Variants in FBN3 observed in about 807,000 individuals in gnomAD.
FBN3 encodes fibrillin 3.
FBN3 carries 234 observed loss-of-function variants against 330.1 expected under a neutral mutation model. The ratio of observed to expected loss-of-function variants is 0.71; its 90% CI spans 0.64 to 0.79. The LOEUF (loss-of-function observed/expected upper bound fraction) is 0.79. Among genes scored for constraint, FBN3 ranks in the 30% least tolerant of loss-of-function variants. FBN3 has a pLI of 0.00. For missense variants in FBN3, 3,606 were observed against 3,886.9 expected, an observed-to-expected ratio of 0.93 and a Z score of 1.92; for synonymous variants, 1,458 against 1,517.3, an observed-to-expected ratio of 0.96 and a Z score of 0.91.
In FBN3 at chr19:8,147,497, G is replaced by C; in HGVS notation, c.-17C>G. ...CAGAGTCATGGCGTGTCCCCTGGAG[G>C]CTGCGGAGAGGAAGCAGAGTCAGCC... On this transcript the variant is annotated splice_region_variant and 5_prime_UTR_variant, in exon 2 of 64. Transcript: ENST00000600128. 2 of 1,447,174 alleles carry C rather than the reference G, an allele frequency of 1.4e-6. No homozygotes were observed. The highest frequency in any genetic ancestry group is 1.8e-6 in the Non-Finnish European group (2 of 1,097,996). 89.6% of individuals were successfully genotyped at this position (1,447,174 alleles called of 1,614,324 possible). A position where few individuals can be genotyped will look rare whatever the true frequency, so the allele number is the denominator to read the frequency against.
chr19:8,132,761 G>A (rs368878648), intron 14 of FBN3, among the ~76,000 whole-genome samples: 102 of 152,266 alleles, frequency 6.7e-4, no homozygotes, highest in African/African-American at 1.9e-3. Flanking sequence ...CAAGGTGCTG[G>A]GACTACAGGC....
At position 8,136,318 on chromosome 19, in the gene FBN3, A is replaced by C; in HGVS notation, c.1346-9T>G. On this transcript the variant is annotated splice_polypyrimidine_tract_variant and intron_variant, in intron 11 of 63. Coordinates refer to ENST00000600128, the MANE Select transcript of FBN3 (RefSeq NM_032447.5). ...GGTGCATTCGTCTACATCTGAGGGG[A>C]GAGGACCCTGAGCCCTAGCACGAGC... 6.2e-7 allele frequency: 1 copy of C among 1,602,042 alleles called. No homozygotes were observed. Among genetic ancestry groups the C allele is most frequent in the Non-Finnish European group, 8.5e-7 (1 of 1,173,978 alleles).
At position 8,149,252 on chromosome 19, in the gene FBN3, C is replaced by T. The variant is rs2083620762; in HGVS notation, c.-18+197G>A. Reference sequence around the variant, plus strand: ...CGCGCCCCGGCCGAGCCCCTCCCGCCGGGTCCCCGCGCCCCCACTCCCCAC... The same window carrying T: ...CGCGCCCCGGCCGAGCCCCTCCCGCTGGGTCCCCGCGCCCCCACTCCCCAC... On this transcript the variant is annotated intron_variant, in intron 1 of 63. Coordinates refer to ENST00000600128, the MANE Select transcript of FBN3 (RefSeq NM_032447.5). This position sits in a 1 kb window ranked among gnomAD's most constrained non-coding sequence, Gnocchi z 5.5. Among the ~76,000 whole-genome samples, 2 of 151,634 alleles carry T rather than the reference C, an allele frequency of 1.3e-5. No homozygotes were observed. The highest frequency in any genetic ancestry group is 1.5e-5 in the Non-Finnish European group (1 of 67,800).
At chr19:8,146,312 C>T in intron 3 of FBN3, 87 bp from the exon 4 acceptor site, 1 of 1,083,000 alleles carries the variant, frequency 9.2e-7, no homozygotes, top group Non-Finnish European at 1.4e-6. Flanking sequence ...GCCGGAACAC[C>T]TCAGTGGACG....
chr19:8,126,009 C>A lies in FBN3; in HGVS notation c.2614G>T (p.Glu872Ter). 1 of 1,613,884 alleles carries A rather than the reference C, an allele frequency of 6.2e-7. No homozygotes were observed. ...CAGACTCCCGGGAAGGACTCACACT[C>A]GTTCACATCTGGGTAAGGAGGAGGG... ...MTGVTCDDVN[E>*]CESFPGVCPN... The change falls in exon 22 of 64, where the codon GAG becomes TAG. Residue 872 changes from glutamate (E) to a stop codon, truncating the protein, a stop_gained. Transcript: ENST00000600128. LOFTEE classifies it high-confidence loss of function.
At position 8,065,909 on chromosome 19, in the gene FBN3, C is replaced by T. The variant is rs1241117177; in HGVS notation, c.*10G>A. 2 of 1,552,544 alleles carry T rather than the reference C, an allele frequency of 1.3e-6. No individual in the cohort carries two copies. The highest frequency in any genetic ancestry group is 2.7e-5 in the African/African-American group (2 of 73,272). On this transcript the variant is annotated 3_prime_UTR_variant, in exon 64 of 64. Transcript: ENST00000600128. ...TCTGGACAGCTGGGGCCCACTGAGGCTCCTCCCAACTAAAGCAACTGCAGC... is the reference window on the plus strand; with the variant it reads ...TCTGGACAGCTGGGGCCCACTGAGGTTCCTCCCAACTAAAGCAACTGCAGC...
chr19:8,089,396 A>T (rs900966010), intron 51 of FBN3, 149 bp downstream of exon 51: 1 of 784,150 alleles, frequency 1.3e-6, no homozygotes, highest in African/African-American at 1.7e-5. Flanking sequence ...TGAATGAAGC[A>T]CAGAGGGAGA....
At position 8,138,560 on chromosome 19, in the gene FBN3, G is replaced by T. The variant is rs1193890288; in HGVS notation, c.870C>A (p.Tyr290Ter). 1.9e-6 allele frequency: 3 copies of T among 1,606,120 alleles called. No individual in the cohort carries two copies. The highest frequency in any genetic ancestry group is 4.5e-5 in the East Asian group (2 of 44,752). The change falls in exon 9 of 64, where the codon TAC becomes TAA. Residue 290 changes from tyrosine to a stop codon, truncating the protein, a stop_gained. Transcript: ENST00000600128. LOFTEE classifies it high-confidence loss of function. Reference sequence around the variant, plus strand: ...GCACTGAGAAGCAGGCGCCGGCCCGGTAGTCTGCAAAAGATCAGAGGGTGA... The same window carrying T: ...GCACTGAGAAGCAGGCGCCGGCCCGTTAGTCTGCAAAAGATCAGAGGGTGA... ...LSDSSAACED[Y>*]RAGACFSVLF...
Position 8,111,627 on chromosome 19 carries a change from CTCCCA to C in FBN3, c.4084+16_4084+20del. 2.0e-6 allele frequency: 3 copies of C among 1,532,196 alleles called. No individual in the cohort carries two copies. The highest frequency in any genetic ancestry group is 2.4e-5 in the East Asian group (1 of 41,804). 94.9% of individuals were successfully genotyped at this position (1,532,196 alleles called of 1,614,324 possible). On this transcript the variant is annotated intron_variant, in intron 32 of 63. Coordinates refer to ENST00000600128, the MANE Select transcript of FBN3 (RefSeq NM_032447.5). ...TGGCTGTCCCTCTAGGGCCCCTGCC[CTCCCA>C]CCCCTCTAATCTCACCTTCGCAGAA...
chr19:8,065,631 C>T lies in FBN3; in HGVS notation c.*288G>A. The T allele has an allele frequency of 2.3e-6, 1 of 442,134 alleles. No homozygotes were observed. The highest frequency in any genetic ancestry group is 4.0e-5 in the Admixed American group (1 of 25,042). The allele number at this position is 442,134 out of a possible 1,614,324, so 27.4% of individuals were successfully genotyped here. On this transcript the variant is annotated 3_prime_UTR_variant, in exon 64 of 64. Transcript: ENST00000600128. ...ACAGAAGTGAAAGCCTGAGATTGGCCAGACACGGTGACCACAGGGCCTCTT... is the reference window on the plus strand; with the variant it reads ...ACAGAAGTGAAAGCCTGAGATTGGCTAGACACGGTGACCACAGGGCCTCTT...
chr19:8,119,008 C>T lies in FBN3; in HGVS notation c.3226G>A (p.Ala1076Thr), dbSNP rs1180888250. The T allele has an allele frequency of 4.4e-6, 7 of 1,602,954 alleles. No homozygotes were observed. In the South Asian group the frequency reaches 5.5e-5, roughly 13 times the overall value. The change falls in exon 26 of 64, where the codon GCA becomes ACA. Residue 1076 changes from alanine (A) to threonine (T), a missense_variant. Coordinates refer to ENST00000600128, the MANE Select transcript of FBN3 (RefSeq NM_032447.5). ...CCCCGGCAGAGCAGCGGGTCCCTTG[C>T]ACACTCGTCCACGTCTGAAGGTTTG... is the stretch of plus-strand genomic sequence containing the variant. Reference protein sequence around the residue: ...MKNCMDVDECARDPLLCRGGT... With the variant: ...MKNCMDVDECTRDPLLCRGGT...
chr19:8,111,958 C>A lies in FBN3; in HGVS notation c.3961+19G>T. On this transcript the variant is annotated intron_variant, in intron 31 of 63. Coordinates refer to ENST00000600128, the MANE Select transcript of FBN3 (RefSeq NM_032447.5). ...TACCTCTACTGCTTTGCCCCCACTC[C>A]CTGCCCCCAGGTACTCACCGTGACA... 6.6e-7 allele frequency: 1 copy of A among 1,507,340 alleles called. No individual in the cohort carries two copies. Among genetic ancestry groups the A allele is most frequent in the East Asian group, 2.5e-5 (1 of 39,234 alleles). The allele number at this position is 1,507,340 out of a possible 1,614,324, so 93.4% of individuals were successfully genotyped here.
Position 8,108,216 on chromosome 19 carries a change from C to T in FBN3, c.4641G>A (p.Pro1547=), listed in dbSNP as rs754106480. ...ANTTEYRTLC[P]GGEGFQPNRI... ...GGTTAGGCTGGAAGCCCTCACCACCCGGGCACAGGGTTCTGTACTCAGCTG... is the reference window on the plus strand; with the variant it reads ...GGTTAGGCTGGAAGCCCTCACCACCTGGGCACAGGGTTCTGTACTCAGCTG... The change falls in exon 37 of 64, where the codon CCG becomes CCA. Residue 1547 remains proline (P), a synonymous_variant. Transcript: ENST00000600128. 4.3e-6 allele frequency: 7 copies of T among 1,612,842 alleles called. No homozygotes were observed. The highest frequency in any genetic ancestry group is 2.7e-5 in the African/African-American group (2 of 74,836).
chr19:8,109,110 T>C lies in FBN3; in HGVS notation c.4618+117A>G. 1.1e-6 allele frequency: 1 copy of C among 912,424 alleles called. No homozygotes were observed. Among genetic ancestry groups the C allele is most frequent in the Admixed American group, 2.6e-5 (1 of 38,474 alleles). 56.5% of individuals were successfully genotyped at this position (912,424 alleles called of 1,614,324 possible). ...AGGATGAGCCCCTCTCCTCCCCCAG[T>C]TCTTGGTTTTCCTGTCGCCTAAGCC... On this transcript the variant is annotated intron_variant, in intron 36 of 63. Transcript: ENST00000600128. The surrounding 1 kb of genome is among the most constrained non-coding windows in gnomAD (Gnocchi z 5.2).
chr19:8,088,132 T>C lies in FBN3; in HGVS notation c.6424A>G (p.Thr2142Ala), dbSNP rs777227996. The C allele has an allele frequency of 6.2e-7, 1 of 1,613,538 alleles. No individual in the cohort carries two copies. Among genetic ancestry groups the C allele is most frequent in the East Asian group, 2.2e-5 (1 of 44,852 alleles). The change falls in exon 52 of 64, where the codon ACC (threonine) becomes GCC (alanine). Residue 2142 changes from threonine (T) to alanine (A), a missense_variant. Coordinates refer to ENST00000600128, the MANE Select transcript of FBN3 (RefSeq NM_032447.5). ...VGHPCGQGTC[T>A]NVIGGFECAC... ...CATTCGAAGCCTCCGATGACATTGGTGCATGTCCCTTGCCCACAGGGGTGG... is the reference window on the plus strand; with the variant it reads ...CATTCGAAGCCTCCGATGACATTGGCGCATGTCCCTTGCCCACAGGGGTGG...
chr19:8,132,985 C>G lies in FBN3; in HGVS notation c.1713G>C (p.Met571Ile), dbSNP rs368860882. ...FLLAPGGHYC[M>I]DIDECQTPGI... The stretch of plus-strand genomic sequence containing the variant: ...TGGCCAGTCTGGCTCCAGGCTCACC[C>G]ATGCAGTAGTGGCCGCCAGGCGCCA... The change falls in exon 14 of 64, where the codon ATG (methionine) becomes ATC (isoleucine). Residue 571 changes from methionine to isoleucine, a missense_variant and splice_region_variant. Transcript: ENST00000600128. The G allele has an allele frequency of 6.4e-7, 1 of 1,555,888 alleles. No individual in the cohort carries two copies. The highest frequency in any genetic ancestry group is 8.7e-7 in the Non-Finnish European group (1 of 1,154,190).
At chr19:8,144,814 C>T in intron 6 of FBN3, 63 bp downstream of exon 6, 1 of 1,363,088 alleles carries the variant, frequency 7.3e-7, no homozygotes. Context: ...TCAGGGACTT[C>T]CAGGAAACCC....
In FBN3 at chr19:8,073,275, C is replaced by G; in HGVS notation, c.7725G>C (p.Ser2575=). Residue 2575 remains serine (S), a synonymous_variant, in exon 62 of 64, where the codon TCG becomes TCC. Coordinates refer to ENST00000600128, the MANE Select transcript of FBN3 (RefSeq NM_032447.5). ...QCVDENECAL[S]PPTCGSASCR... ...AGGAGGCGCTCCCGCAGGTGGGGGG[C>G]GACAGGGCACACTCATTCTCATCTG... The G allele has an allele frequency of 6.2e-7, 1 of 1,613,524 alleles. No individual in the cohort carries two copies. The highest frequency in any genetic ancestry group is 8.5e-7 in the Non-Finnish European group (1 of 1,179,802).
intron 63 of FBN3, among the ~76,000 whole-genome samples, chr19:8,069,518 C>T (rs965771084): frequency 6.6e-5 from 10 of 152,158 alleles, no homozygotes; most frequent in African/African-American, 2.2e-4. Context: ...CTTCTTCCCA[C>T]GGAATGTTGT....
Sources: gnomAD v4.1 joint callset for allele counts (sites outside exome capture counted in the v4.1 genomes callset) on GRCh38, gnomAD v4.1.1 for gene constraint, Gnocchi (gnomAD v3.1) non-coding constraint, MANE v1.5 for transcripts, NCBI Gene and HGNC (gene_info 2026-07-23, HGNC 2026-07-21) for gene names.